The following SUN1 variants were observed in gnomAD, a reference collection of about 807,000 sequenced individuals.
SUN1 encodes SUN domain-containing protein 1.
In SUN1, 61 loss-of-function variants were observed where a neutral mutation model predicts 103.2. That is an observed-to-expected ratio of 0.59 (90% confidence interval 0.48 to 0.73). The LOEUF is 0.73. Among genes scored for constraint, SUN1 ranks in the 30% least tolerant of loss-of-function variants. The pLI is 0.00. For synonymous variants in SUN1, 490 were observed against 425.7 expected, an observed-to-expected ratio of 1.15 and a Z score of -1.86; for missense variants, 1,052 against 1,034.6, an observed-to-expected ratio of 1.02 and a Z score of -0.23.
chr7:838,733 G>T, intron 1 of SUN1, 65 bp from the exon 2 acceptor site: 1 of 1,414,826 alleles, frequency 7.1e-7, no homozygotes, highest in South Asian at 1.5e-5. Flanking sequence ...TTTATGGTTT[G>T]TTCATTTTGT....
upstream of SUN1, among the ~76,000 whole-genome samples, chr7:831,212 C>T (rs1562533471): frequency 6.6e-6 from 1 of 151,798 alleles, no homozygotes. Context: ...CTTGCCGAGC[C>T]TGTGTCTGGG....
intron 1 of SUN1, among the ~76,000 whole-genome samples, chr7:836,301 C>G (rs1562567559): frequency 6.6e-6 from 1 of 152,162 alleles, no homozygotes. Flanking sequence ...GATTACTTTT[C>G]CATCGCAGCA....
At chr7:853,194 C>G in intron 9 of SUN1, 2 of 741,926 alleles carry the variant, frequency 2.7e-6, no homozygotes, top group Non-Finnish European at 4.3e-6. Flanking sequence ...CATCACTGTA[C>G]AAAGTACAGA....
intron 13 of SUN1, among the ~76,000 whole-genome samples, chr7:859,289 C>T (rs68080929): frequency 0.16 from 24,072 of 152,158 alleles, 2,109 homozygotes; most frequent in African/African-American, 0.19. Flanking sequence ...CTGCTATCAG[C>T]GCTGGCTGAG....
At chr7:827,821 G>A (rs570478692), upstream of SUN1, among the ~76,000 whole-genome samples, 7 of 151,992 alleles carry the variant, frequency 4.6e-5, no homozygotes, top group African/African-American at 1.2e-4. Flanking sequence ...GTATATTTTC[G>A]TGTCTACCAT....
intron 11 of SUN1, among the ~76,000 whole-genome samples, chr7:856,100 G>T (rs1257085043): frequency 6.6e-6 from 1 of 152,178 alleles, no homozygotes. Context: ...CTCCCAACCC[G>T]GGTGCTGGTT....
chr7:870,345 T>G (rs1348457892), intron 17 of SUN1, among the ~76,000 whole-genome samples: 1 of 151,882 alleles, frequency 6.6e-6, no homozygotes, highest in Admixed American at 6.6e-5. Context: ...ATCCTAGCAC[T>G]TTGGGAGGCT....
At chr7:851,146 C>T in intron 5 of SUN1, 1 of 322,470 alleles carries the variant, frequency 3.1e-6, no homozygotes, top group Admixed American at 4.2e-5. Context: ...GAAGTATCTG[C>T]AGGCAGAAGT....
rs941088362 is a variant in SUN1, at chr7:869,535, CCCT to C, written c.2148+28_2148+30del. Reference sequence around the variant, plus strand: ...CGTCTATGTGAGTGCCCTTGGCCGACCCTCCTCCTCCCACACCTTCCTGGGAGT... The same window carrying C: ...CGTCTATGTGAGTGCCCTTGGCCGACCCTCCTCCCACACCTTCCTGGGAGT... On this transcript the variant is annotated intron_variant, in intron 17 of 18. Coordinates refer to ENST00000401592, the MANE Select transcript of SUN1 (RefSeq NM_001130965.3). 11 of 1,606,668 alleles carry C rather than the reference CCCT, an allele frequency of 6.8e-6. No homozygotes were observed. In the African/African-American group the frequency reaches 1.3e-4, roughly 20 times the overall value.
At chr7:865,354 A>G (rs1835615027) in intron 15 of SUN1, among the ~76,000 whole-genome samples, 2 of 152,002 alleles carry the variant, frequency 1.3e-5, no homozygotes, top group Admixed American at 6.6e-5. Context: ...CAAGTGATCC[A>G]CCGGCCTCGG....
At chr7:861,765 G>C (rs532971657) in intron 15 of SUN1, among the ~76,000 whole-genome samples, 4 of 152,344 alleles carry the variant, frequency 2.6e-5, no homozygotes, top group African/African-American at 7.2e-5. Flanking sequence ...ATCGGGGATT[G>C]TTCAGTGCCT....
At chr7:850,489 T>A (rs1250336223) in intron 5 of SUN1, 1 of 156,888 alleles carries the variant, frequency 6.4e-6, no homozygotes, top group Non-Finnish European at 1.4e-5. Context: ...AAAAAAAAGT[T>A]AGTTTCAAAA....
chr7:826,175 T>A (rs1159368101), intron 1 of SUN1, among the ~76,000 whole-genome samples: 1 of 151,614 alleles, frequency 6.6e-6, no homozygotes, highest in Non-Finnish European at 1.5e-5. Flanking sequence ...TGCAGTGAGC[T>A]GTGATCACGC....
chr7:825,136 G>A (rs1790379253), intron 1 of SUN1, among the ~76,000 whole-genome samples: 1 of 151,804 alleles, frequency 6.6e-6, no homozygotes, highest in Non-Finnish European at 1.5e-5. Flanking sequence ...TCAGCTCACT[G>A]CAAGCTCCAC....
intron 11 of SUN1, among the ~76,000 whole-genome samples, chr7:855,374 G>C (rs1461158715): frequency 1.3e-5 from 2 of 152,228 alleles, no homozygotes; most frequent in Non-Finnish European, 2.9e-5. Context: ...TAAAGGACCT[G>C]AACCTTTTGA....
rs117993725 is a variant in SUN1, at chr7:852,795, G to A, written c.911-15G>A. On this transcript the variant is annotated splice_polypyrimidine_tract_variant and intron_variant, in intron 8 of 18. Coordinates refer to ENST00000401592, the MANE Select transcript of SUN1 (RefSeq NM_001130965.3). ...GTGGTGTACCTGTGTGTGTGTGGTG[G>A]CTCTTCTCTTTTAGCAGGTCTCTCC... 16,692 of 1,610,788 alleles carry A rather than the reference G, an allele frequency of 0.01. 101 individuals are homozygous for A. The highest frequency in any genetic ancestry group is 0.012 in the Non-Finnish European group (14,266 of 1,177,884).
At chr7:832,859 G>A (rs557483631) in intron 1 of SUN1, 2 of 461,238 alleles carry the variant, frequency 4.3e-6, no homozygotes, top group South Asian at 6.5e-5. Flanking sequence ...CACCCAGGTG[G>A]TTGTGATGTT....
At chr7:818,651 GT>G (rs1437641499) in intron 1 of SUN1, among the ~76,000 whole-genome samples, 1 of 152,152 alleles carries the variant, frequency 6.6e-6, no homozygotes, top group Non-Finnish European at 1.5e-5. Flanking sequence ...CATTTTACAT[GT>G]CCATTGGCAA....
chr7:851,601 GCGTAA>G (rs1169676801), intron 6 of SUN1, 119 bp downstream of exon 6: 2 of 878,144 alleles, frequency 2.3e-6, no homozygotes, highest in Admixed American at 4.6e-5. Flanking sequence ...TTGACCCTTG[GCGTAA>G]CGTGTCTCGT....
Sources: allele counts gnomAD v4.1 joint callset (sites outside exome capture counted in the v4.1 genomes callset), GRCh38; gene constraint gnomAD v4.1.1; transcripts MANE v1.5; gene names NCBI Gene and HGNC (gene_info 2026-07-23, HGNC 2026-07-21).